The following PTPRT variants were observed in gnomAD, a reference collection of about 807,000 sequenced individuals.
The protein encoded by PTPRT is receptor-type tyrosine-protein phosphatase T.
A neutral mutation model predicts 176.8 loss-of-function variants in PTPRT; 56 were observed. The observed-to-expected ratio is 0.32, with a 90% CI of 0.26 to 0.40. The LOEUF is 0.40. PTPRT is among the 10% of genes least tolerant of loss of function. The pLI is 1.00. For missense variants in PTPRT, 1,540 were observed against 1,908.2 expected, an observed-to-expected ratio of 0.81 and a Z score of 3.60; for synonymous variants, 783 against 739.0, an observed-to-expected ratio of 1.06 and a Z score of -0.96.
At chr20:42,402,342 CAG>C (rs2058916506) in intron 9 of PTPRT, among the ~76,000 whole-genome samples, 1 of 152,030 alleles carries the variant, frequency 6.6e-6, no homozygotes, top group African/African-American at 2.4e-5. Flanking sequence ...TGTGCTAAAA[CAG>C]ATGAGGGCCT....
intron 7 of PTPRT, among the ~76,000 whole-genome samples, chr20:42,561,979 C>T (rs931948408): frequency 6.6e-6 from 1 of 152,170 alleles, no homozygotes; most frequent in African/African-American, 2.4e-5. Context: ...GTTTTATTCT[C>T]CCCTGGCTCC....
At chr20:42,732,104 T>G (rs2076470053) in intron 6 of PTPRT, among the ~76,000 whole-genome samples, 1 of 152,244 alleles carries the variant, frequency 6.6e-6, no homozygotes, top group African/African-American at 2.4e-5. Flanking sequence ...AGAATAGTGA[T>G]GCCCAATATG....
At chr20:42,786,615 C>G (rs892967512) in intron 3 of PTPRT, among the ~76,000 whole-genome samples, 1 of 152,098 alleles carries the variant, frequency 6.6e-6, no homozygotes, top group African/African-American at 2.4e-5. Flanking sequence ...GTCCTTTCCC[C>G]CCATGCCTCA....
At chr20:42,433,589 ACT>A (rs1436251318) in intron 9 of PTPRT, among the ~76,000 whole-genome samples, 1 of 152,198 alleles carries the variant, frequency 6.6e-6, no homozygotes. Context: ...CAGGGCACAC[ACT>A]TGCCCTATAT....
chr20:42,203,257 C>T (rs1463954077), intron 15 of PTPRT, among the ~76,000 whole-genome samples: 1 of 152,086 alleles, frequency 6.6e-6, no homozygotes, highest in African/African-American at 2.4e-5. Flanking sequence ...TTAAAAAGAC[C>T]TCTCAGTAAC....
At chr20:42,938,165 C>T (rs892996123) in intron 1 of PTPRT, among the ~76,000 whole-genome samples, 8 of 152,070 alleles carry the variant, frequency 5.3e-5, no homozygotes, top group Non-Finnish European at 1.2e-4. Flanking sequence ...AATGGGTGTA[C>T]GAATGGATGT....
chr20:42,208,672 T>C (rs2146721897), intron 15 of PTPRT, among the ~76,000 whole-genome samples: 1 of 152,082 alleles, frequency 6.6e-6, no homozygotes, highest in East Asian at 1.9e-4. Context: ...CAAAGAGACT[T>C]AGACTCCCAC....
intron 1 of PTPRT, among the ~76,000 whole-genome samples, chr20:42,889,202 A>G (rs1028964845): frequency 2.0e-5 from 3 of 152,128 alleles, no homozygotes; most frequent in Admixed American, 6.5e-5. Context: ...CACTCACTGA[A>G]CCACCTTGCT....
At position 43,056,231 on chromosome 20, in the gene PTPRT, C is replaced by G. The variant is rs575516566; in HGVS notation, c.88+133415G>C. 1.4e-3 allele frequency among the ~76,000 whole-genome samples: 219 copies of G among 152,324 alleles called. 1 individual carries two copies. The highest frequency in any genetic ancestry group is 6.8e-3 in the Middle Eastern group (2 of 294). On this transcript the variant is annotated intron_variant, in intron 1 of 30. Coordinates refer to ENST00000373187, the MANE Select transcript of PTPRT (RefSeq NM_007050.6). ...CCAAAGAATTGTGGTGTCCCTCTTT[C>G]ATGGCACAGTGCTGGCTCTGGGACG... is the stretch of plus-strand genomic sequence containing the variant.
At chr20:42,811,322 A>G (rs1346620836) in intron 2 of PTPRT, among the ~76,000 whole-genome samples, 5 of 152,194 alleles carry the variant, frequency 3.3e-5, no homozygotes, top group Non-Finnish European at 7.3e-5. Flanking sequence ...GGATGGGCGG[A>G]TGGACGGAAG....
intron 1 of PTPRT, among the ~76,000 whole-genome samples, chr20:43,067,341 T>C (rs1053504943): frequency 1.1e-4 from 17 of 152,138 alleles, no homozygotes; most frequent in Admixed American, 8.5e-4. Context: ...AGAGTGACTG[T>C]TTAATGGGTA....
Position 42,263,371 on chromosome 20 carries a change from C to CTTTTTT in PTPRT, c.2177-14555_2177-14550dup, listed in dbSNP as rs11477690. ...CACAGGCATGCGCTGCCATGCCTGG[C>CTTTTTT]TTTTTTTTTTTTTTTTTTTTTTTTT... is the stretch of plus-strand genomic sequence containing the variant. On this transcript the variant is annotated intron_variant, in intron 13 of 30. Transcript: ENST00000373187. 3.1e-4 allele frequency among the ~76,000 whole-genome samples: 16 copies of CTTTTTT among 50,974 alleles called. 5 individuals are homozygous for CTTTTTT. The highest frequency in any genetic ancestry group is 1.7e-3 in the African/African-American group (16 of 9,260). 33.4% of individuals were successfully genotyped at this position (50,974 alleles called of 152,430 possible). A position where few individuals can be genotyped will look rare whatever the true frequency, so the allele number is the denominator to read the frequency against.
At chr20:43,141,988 G>A (rs934623912) in intron 1 of PTPRT, among the ~76,000 whole-genome samples, 4 of 152,116 alleles carry the variant, frequency 2.6e-5, no homozygotes, top group South Asian at 2.1e-4. Flanking sequence ...AAAAGCATGC[G>A]ACGTGGAGTA....
intron 2 of PTPRT, among the ~76,000 whole-genome samples, chr20:42,880,355 T>C (rs970821701): frequency 2.6e-5 from 4 of 152,156 alleles, no homozygotes; most frequent in Non-Finnish European, 5.9e-5. Context: ...CAGGTTTATG[T>C]AAAGAAGAGA....
intron 1 of PTPRT, among the ~76,000 whole-genome samples, chr20:43,137,343 A>G (rs942841653): frequency 6.6e-6 from 1 of 152,188 alleles, no homozygotes; most frequent in Non-Finnish European, 1.5e-5. Flanking sequence ...TTTTTTGTAA[A>G]TAAAGTTTTA....
intron 1 of PTPRT, among the ~76,000 whole-genome samples, chr20:43,072,651 T>C (rs75523931): frequency 0.018 from 2,768 of 152,326 alleles, 52 homozygotes; most frequent in East Asian, 0.076. Flanking sequence ...ACTGCATTTG[T>C]TTCTGATTTT....
chr20:43,104,450 C>A (rs146842838), intron 1 of PTPRT, among the ~76,000 whole-genome samples: 9 of 152,312 alleles, frequency 5.9e-5, no homozygotes, highest in African/African-American at 2.2e-4. Flanking sequence ...AGCTTCCAAA[C>A]CCAATATTGC....
chr20:42,811,865 A>G (rs2077702641), intron 2 of PTPRT, among the ~76,000 whole-genome samples: 1 of 152,128 alleles, frequency 6.6e-6, no homozygotes, highest in African/African-American at 2.4e-5. Context: ...GCTTTTAATT[A>G]GTTGTATTTT....
intron 18 of PTPRT, among the ~76,000 whole-genome samples, chr20:42,136,854 G>A (rs1988402942): frequency 6.6e-6 from 1 of 152,226 alleles, no homozygotes; most frequent in African/African-American, 2.4e-5. Context: ...ATAGGGGTGT[G>A]TCATTCAGCA....
Sources: allele counts gnomAD v4.1 joint callset (sites outside exome capture counted in the v4.1 genomes callset), GRCh38; gene constraint gnomAD v4.1.1; transcripts MANE v1.5; gene names NCBI Gene and HGNC (gene_info 2026-07-23, HGNC 2026-07-21).